AOAH: variants seen among roughly 807,000 people sequenced by gnomAD.
AOAH encodes the protein acyloxyacyl hydrolase.
A neutral mutation model predicts 92.2 loss-of-function variants in AOAH; 64 were observed. The ratio of observed to expected loss-of-function variants is 0.69; its 90% CI spans 0.57 to 0.86. The LOEUF is 0.86. Ranked by LOEUF, AOAH falls within the 40% of genes least tolerant of loss-of-function variation. The pLI is 0.00. For synonymous variants in AOAH, 263 were observed against 254.5 expected, an observed-to-expected ratio of 1.03 and a Z score of -0.32; for missense variants, 656 against 694.6, an observed-to-expected ratio of 0.94 and a Z score of 0.62.
At position 36,537,321 on chromosome 7, in the gene AOAH, A is replaced by G. The variant is rs544426466; in HGVS notation, c.1306+2998T>C. ...TTCTTCCTTCCATTTTGTGCTGTACATGCTAGGGTGTGATTAGCAGCCAGA... is the reference window on the plus strand; with the variant it reads ...TTCTTCCTTCCATTTTGTGCTGTACGTGCTAGGGTGTGATTAGCAGCCAGA... On this transcript the variant is annotated intron_variant, in intron 16 of 20. Coordinates refer to ENST00000617537, the MANE Select transcript of AOAH (RefSeq NM_001637.4). 7.3e-5 allele frequency among the ~76,000 whole-genome samples: 11 copies of G among 149,766 alleles called. No homozygotes were observed. In the South Asian group the frequency reaches 2.1e-3, roughly 29 times the overall value.
At chr7:36,710,486 C>T (rs1798696937) in intron 1 of AOAH, among the ~76,000 whole-genome samples, 1 of 152,216 alleles carries the variant, frequency 6.6e-6, no homozygotes, top group South Asian at 2.1e-4. Flanking sequence ...GGACCACAGT[C>T]TCAAATCAGA....
intron 1 of AOAH, among the ~76,000 whole-genome samples, chr7:36,702,414 G>A (rs1380087545): frequency 6.6e-5 from 10 of 152,054 alleles, no homozygotes; most frequent in Admixed American, 6.6e-4. Context: ...TTTCATTTCT[G>A]AATAATGTTT....
intron 12 of AOAH, among the ~76,000 whole-genome samples, chr7:36,585,630 A>G (rs1218627231): frequency 1.3e-5 from 2 of 152,266 alleles, no homozygotes; most frequent in African/African-American, 4.8e-5. Flanking sequence ...AACACTATGC[A>G]GTATTGGACA....
intron 11 of AOAH, among the ~76,000 whole-genome samples, chr7:36,605,570 T>TGAG (rs1190743762): frequency 6.6e-6 from 1 of 152,248 alleles, no homozygotes; most frequent in African/African-American, 2.4e-5. Context: ...GTATGTGGGC[T>TGAG]GAGTAATTAT....
intron 2 of AOAH, among the ~76,000 whole-genome samples, chr7:36,683,932 T>A (rs1164393484): frequency 6.6e-6 from 1 of 151,754 alleles, no homozygotes; most frequent in African/African-American, 2.4e-5. Context: ...TGGGAGAGGT[T>A]GCAGTGAGCC....
Position 36,576,578 on chromosome 7 carries a change from T to C in AOAH, c.1017A>G (p.Arg339=). Residue 339 remains arginine (R), a synonymous_variant, in exon 13 of 21, where the codon AGA becomes AGG. Coordinates refer to ENST00000617537, the MANE Select transcript of AOAH (RefSeq NM_001637.4). ...CNHRDYQNIS[R]NGASSRNLKK... ...CTTAAATGGAAAGTTACGTACCATTTCTTGAAATATTCTGGTAGTCCCTGT... is the reference window on the plus strand; with the variant it reads ...CTTAAATGGAAAGTTACGTACCATTCCTTGAAATATTCTGGTAGTCCCTGT... 1 of 1,553,616 alleles carries C rather than the reference T, an allele frequency of 6.4e-7. No individual in the cohort carries two copies.
chr7:36,575,192 A>G (rs1562584203), intron 13 of AOAH, among the ~76,000 whole-genome samples: 1 of 152,140 alleles, frequency 6.6e-6, no homozygotes, highest in Non-Finnish European at 1.5e-5. Flanking sequence ...TTAACTATTG[A>G]TAGTGTTCAA....
chr7:36,685,128 A>G (rs144231996), intron 2 of AOAH, among the ~76,000 whole-genome samples: 9 of 152,136 alleles, frequency 5.9e-5, no homozygotes, highest in East Asian at 3.9e-4. Flanking sequence ...AACATACTCA[A>G]TTATACTAAA....
rs972716746 is a variant in AOAH at position 36,532,378 on chromosome 7, A to C, written c.1307-34T>G. The C allele has an allele frequency of 8.1e-6, 13 of 1,607,092 alleles. No homozygotes were observed. In the African/African-American group the frequency reaches 1.6e-4, roughly 20 times the overall value. ...CAGAGAGGTCTGGTAGATTGCATCC[A>C]CTCGGCAATAGCAGCATTTAGAGGC... On this transcript the variant is annotated intron_variant, in intron 16 of 20. Coordinates refer to ENST00000617537, the MANE Select transcript of AOAH (RefSeq NM_001637.4).
At chr7:36,686,898 C>G in intron 1 of AOAH, 104 bp from the exon 2 acceptor site, 2 of 554,268 alleles carry the variant, frequency 3.6e-6, no homozygotes, top group South Asian at 5.2e-5. Flanking sequence ...GTGTGTGTGT[C>G]CTTAAGAAGG....
At chr7:36,632,986 T>C (rs560928360) in intron 5 of AOAH, among the ~76,000 whole-genome samples, 3 of 152,326 alleles carry the variant, frequency 2.0e-5, no homozygotes, top group African/African-American at 7.2e-5. Flanking sequence ...AAAGAGGCTG[T>C]CCTTGTCCTC....
chr7:36,604,612 G>T (rs773232606), intron 11 of AOAH, among the ~76,000 whole-genome samples: 8 of 152,190 alleles, frequency 5.3e-5, no homozygotes, highest in Non-Finnish European at 8.8e-5. Context: ...AGGGATATGT[G>T]TGCCTTCACT....
chr7:36,605,392 T>A (rs778523427), intron 11 of AOAH, among the ~76,000 whole-genome samples: 18 of 152,168 alleles, frequency 1.2e-4, no homozygotes, highest in Non-Finnish European at 2.4e-4. Flanking sequence ...ATGAGCTCCA[T>A]TTGATGGCTA....
intron 12 of AOAH, among the ~76,000 whole-genome samples, chr7:36,592,904 T>C (rs1193589589): frequency 6.6e-6 from 1 of 152,132 alleles, no homozygotes; most frequent in East Asian, 1.9e-4. Flanking sequence ...TTTGAAAAGG[T>C]ATAACTACAC....
In AOAH at chr7:36,609,812, AT is replaced by A. The variant is rs1400188654; in HGVS notation, c.846+6567del. Among the ~76,000 whole-genome samples the A allele has an allele frequency of 9.2e-5, 14 of 152,044 alleles. No homozygotes were observed. In the East Asian group the frequency reaches 2.7e-3, roughly 29 times the overall value. ...CCATCCTTTTCCCCATTGTCATCCG[AT>A]CACAGGGCTTGGCACATAGTAGACC... is the stretch of plus-strand genomic sequence containing the variant. On this transcript the variant is annotated intron_variant, in intron 11 of 20. Transcript: ENST00000617537.
At position 36,532,314 on chromosome 7, in the gene AOAH, TGC is replaced by T; in HGVS notation, c.1335_1336del (p.Gln446ValfsTer45). 5 of 1,614,112 alleles carry T rather than the reference TGC, an allele frequency of 3.1e-6. No individual in the cohort carries two copies. The highest frequency in any genetic ancestry group is 4.2e-6 in the Non-Finnish European group (5 of 1,180,024). On this transcript the variant is annotated frameshift_variant, in exon 17 of 21. Transcript: ENST00000617537. LOFTEE classifies it high-confidence loss of function. Reference sequence around the variant, plus strand: ...GAGGCAGTTCAGGAAGGAGTACAACTGCGCATAGGTCATGTCTTTATTTAGCT... The same window carrying T: ...GAGGCAGTTCAGGAAGGAGTACAACTGCATAGGTCATGTCTTTATTTAGCT...
In AOAH at chr7:36,540,466, T is replaced by G. The variant is rs765010456; in HGVS notation, c.1159A>C (p.Thr387Pro). Residue 387 changes from threonine (T) to proline (P), a missense_variant, in exon 16 of 21, where the codon ACC becomes CCC. By Grantham distance (38) the Thr-to-Pro change is conservative (BLOSUM62 -1). Coordinates refer to ENST00000617537, the MANE Select transcript of AOAH (RefSeq NM_001637.4). ...TTGGAGTAGAGTTTCTCAGGAGTGG[T>G]CATGGCTGGGACTGGGTCACTCTTC... ...SGKSDPVPAM[T>P]TPEKLYSNVM... is the part of the protein sequence containing the mutation. 6 of 1,613,248 alleles carry G rather than the reference T, an allele frequency of 3.7e-6. No homozygotes were observed. Among genetic ancestry groups the G allele is most frequent in the Admixed American group, 1.7e-5 (1 of 59,868 alleles).
chr7:36,702,384 T>A (rs1798082537), intron 1 of AOAH, among the ~76,000 whole-genome samples: 2 of 152,188 alleles, frequency 1.3e-5, no homozygotes, highest in Admixed American at 1.3e-4. Context: ...TTGGTTTATC[T>A]GGGAATGTGT....
chr7:36,633,873 C>T (rs1044265181), intron 5 of AOAH, among the ~76,000 whole-genome samples: 6 of 152,168 alleles, frequency 3.9e-5, no homozygotes, highest in Non-Finnish European at 5.9e-5. Context: ...CTTTGCTGTG[C>T]GGGCTGCCCT....
Sources: allele counts gnomAD v4.1 joint callset (sites outside exome capture counted in the v4.1 genomes callset), GRCh38; gene constraint gnomAD v4.1.1; transcripts MANE v1.5; gene names NCBI Gene and HGNC (gene_info 2026-07-23, HGNC 2026-07-21).